The following SLC5A2 variants were observed in gnomAD, a reference collection of about 807,000 sequenced individuals.
SLC5A2 encodes the protein solute carrier family 5 member 2, also known as sodium/glucose cotransporter 2.
In SLC5A2, 67 loss-of-function variants were observed where a neutral mutation model predicts 69.0. That is an observed-to-expected ratio of 0.97 (90% CI 0.80 to 1.19). The LOEUF is 1.19. Ranked by LOEUF, SLC5A2 falls within the 50% of genes most tolerant of loss-of-function variation. The pLI, the probability that SLC5A2 is intolerant of heterozygous loss-of-function variation, is 0.00. For synonymous variants in SLC5A2, 455 were observed against 395.8 expected (o/e 1.15, Z -1.78); for missense variants, 1,001 against 921.5 (o/e 1.09, Z -1.12).
In SLC5A2 at chr16:31,488,768, G is replaced by A. The variant is rs1165004430; in HGVS notation, c.1276G>A (p.Gly426Arg). 6.2e-7 allele frequency: 1 copy of A among 1,601,944 alleles called. No individual in the cohort carries two copies. The highest frequency in any genetic ancestry group is 2.2e-5 in the East Asian group (1 of 44,624). Residue 426 changes from glycine to arginine, a missense_variant, in exon 10 of 14, where the codon GGA (glycine) becomes AGA (arginine). Physicochemically the swap from Gly to Arg is moderately radical, Grantham distance 125. Transcript: ENST00000330498. ...CGGCGACCGCGAGCTGCTGCTGGTG[G>A]GACGGTGCGGCCTGGGCTCCCCTCC... is the stretch of plus-strand genomic sequence containing the variant. ...RAGDRELLLV[G>R]RLWVVFIVVV...
chr16:31,489,260 C>T lies in SLC5A2; in HGVS notation c.1587C>T (p.Phe529=), dbSNP rs772310600. 1.2e-5 allele frequency: 20 copies of T among 1,610,786 alleles called. No homozygotes were observed. The African/African-American group carries it at 2.1e-4, about 17-fold the overall frequency. The change falls in exon 12 of 14, where the codon TTC becomes TTT. Residue 529 remains phenylalanine (F), a synonymous_variant. Coordinates refer to ENST00000330498, the MANE Select transcript of SLC5A2 (RefSeq NM_003041.4). ...TCTGCGGCGTGCACTACCTCTACTT[C>T]GCCATTGTGCTGTTCTTCTGCTCTG... ...AFLCGVHYLY[F]AIVLFFCSGL...
intron 5 of SLC5A2, 45 bp downstream of exon 5, chr16:31,486,320 T>C (rs1236036059): frequency 1.4e-6 from 2 of 1,449,098 alleles, no homozygotes; most frequent in Non-Finnish European, 1.9e-6. Flanking sequence ...GGGACACTGC[T>C]GCCAGCTGTG....
chr16:31,487,164 G>A (rs538485833), intron 5 of SLC5A2, among the ~76,000 whole-genome samples, 156 bp from the exon 6 acceptor site: 1 of 152,320 alleles, frequency 6.6e-6, no homozygotes, highest in East Asian at 1.9e-4. Flanking sequence ...CCTGCTTGTT[G>A]GTGCCTGCGT....
At chr16:31,489,903 C>T in intron 12 of SLC5A2, 1 of 668,408 alleles carries the variant, frequency 1.5e-6, no homozygotes, top group South Asian at 1.7e-5. Context: ...GCTTTAAACA[C>T]AAGCTCAGGG....
chr16:31,488,224 G>A (rs1164665585), intron 8 of SLC5A2, 51 bp downstream of exon 8: 2 of 1,613,520 alleles, frequency 1.2e-6, no homozygotes, highest in East Asian at 4.5e-5. Flanking sequence ...GGCGCCCGTC[G>A]CCCAGTTCCG....
rs747900188 is a variant in SLC5A2 at position 31,488,170 on chromosome 16, C to T, written c.1018C>T (p.Pro340Ser). The T allele has an allele frequency of 5.0e-6, 8 of 1,614,030 alleles. No homozygotes were observed. Among genetic ancestry groups the T allele is most frequent in the Non-Finnish European group, 6.8e-6 (8 of 1,179,966 alleles). Residue 340 changes from proline to serine, a missense_variant, in exon 8 of 14, where the codon CCA becomes TCA. Physicochemically the swap from Pro to Ser is moderately conservative, Grantham distance 74. Coordinates refer to ENST00000330498, the MANE Select transcript of SLC5A2 (RefSeq NM_003041.4). Reference sequence around the variant, plus strand: ...AGGCATGATCAGCCGCATTCTGTACCCAGGTAACATCCCTGCCCCGCCCCT... The same window carrying T: ...AGGCATGATCAGCCGCATTCTGTACTCAGGTAACATCCCTGCCCCGCCCCT... ...MPGMISRILY[P>S]DEVACVVPEV...
At position 31,488,383 on chromosome 16, in the gene SLC5A2, A is replaced by G. The variant is rs762220364; in HGVS notation, c.1022A>G (p.Asp341Gly). ...PGMISRILYP[D>G]EVACVVPEVC... ...CGGCGCGGTGGCCTCTCTCTGGCAG[A>G]CGAGGTGGCGTGCGTGGTGCCTGAG... The change falls in exon 9 of 14, where the codon GAC (aspartate) becomes GGC (glycine). Residue 341 changes from aspartate to glycine, a missense_variant and splice_region_variant. Physicochemically the swap from Asp to Gly is moderately conservative, Grantham distance 94 (BLOSUM62 -1). Transcript: ENST00000330498. 6.2e-7 allele frequency: 1 copy of G among 1,611,204 alleles called. No homozygotes were observed. The highest frequency in any genetic ancestry group is 8.5e-7 in the Non-Finnish European group (1 of 1,179,796).
At position 31,488,239 on chromosome 16, in the gene SLC5A2, C is replaced by T. The variant is rs964555723; in HGVS notation, c.1021+66C>T. On this transcript the variant is annotated intron_variant, in intron 8 of 13. Coordinates refer to ENST00000330498, the MANE Select transcript of SLC5A2 (RefSeq NM_003041.4). The stretch of plus-strand genomic sequence containing the variant: ...GGCGCCCGTCGCCCAGTTCCGTCAC[C>T]CTCCTAAGACTCGGCAGTTTGGGCC... The T allele has an allele frequency of 1.4e-5, 23 of 1,612,134 alleles. No individual in the cohort carries two copies. In the African/African-American group the frequency reaches 2.8e-4, roughly 20 times the overall value.
Position 31,490,542 on chromosome 16 carries a change from C to T in SLC5A2, c.*7C>T, listed in dbSNP as rs1343577216. Reference sequence around the variant, plus strand: ...CTGGGGCTTCTATGCCTAAGACCAACTGCGTTGGACACCATAAGCCACAGC... The same window carrying T: ...CTGGGGCTTCTATGCCTAAGACCAATTGCGTTGGACACCATAAGCCACAGC... On this transcript the variant is annotated 3_prime_UTR_variant, in exon 14 of 14. Transcript: ENST00000330498. 4 of 1,598,552 alleles carry T rather than the reference C, an allele frequency of 2.5e-6. No individual in the cohort carries two copies. The African/African-American group carries it at 5.4e-5, about 21-fold the overall frequency.
Position 31,486,205 on chromosome 16 carries a change from G to A in SLC5A2, c.504G>A (p.Gln168=). ...DMFSGAVFIQ[Q]ALGWNIYASV... ...TCTCCGGAGCTGTATTCATCCAGCA[G>A]GCTCTGGGCTGGAACATCTATGCCT... The change falls in exon 5 of 14, where the codon CAG becomes CAA. Residue 168 remains glutamine (Q), a synonymous_variant. Coordinates refer to ENST00000330498, the MANE Select transcript of SLC5A2 (RefSeq NM_003041.4). 1.2e-6 allele frequency: 2 copies of A among 1,614,008 alleles called. No individual in the cohort carries two copies. The highest frequency in any genetic ancestry group is 2.2e-5 in the East Asian group (1 of 44,862).
Position 31,487,447 on chromosome 16 carries a change from A to G in SLC5A2, c.655+47A>G, listed in dbSNP as rs760896871. 3.7e-6 allele frequency: 6 copies of G among 1,611,078 alleles called. No individual in the cohort carries two copies. The East Asian group carries it at 1.3e-4, about 36-fold the overall frequency. On this transcript the variant is annotated intron_variant, in intron 6 of 13. Transcript: ENST00000330498. ...AGGGGCGCGGAGGGCATGGTCGCGG[A>G]GCTCTCGGCCTGCGCGCGGGGCCGT...
In SLC5A2 at chr16:31,488,866, G is replaced by A. The variant is rs1206326253; in HGVS notation, c.1281-14G>A. 2.5e-6 allele frequency: 4 copies of A among 1,604,108 alleles called. No homozygotes were observed. Among genetic ancestry groups the A allele is most frequent in the Non-Finnish European group, 3.4e-6 (4 of 1,179,792 alleles). ...GCCCAGGGTCCGGGTTCGATCCGACGGCCTCCGCCGCAGGCTCTGGGTGGT... is the reference window on the plus strand; with the variant it reads ...GCCCAGGGTCCGGGTTCGATCCGACAGCCTCCGCCGCAGGCTCTGGGTGGT... On this transcript the variant is annotated splice_polypyrimidine_tract_variant and intron_variant, in intron 10 of 13. Transcript: ENST00000330498.
rs761304782 is a variant in SLC5A2 at position 31,488,948 on chromosome 16, G to T, written c.1349G>T (p.Gly450Val). Residue 450 changes from glycine (G) to valine (V), a missense_variant, in exon 11 of 14, where the codon GGG becomes GTG. Transcript: ENST00000330498. ...WLPVVQAAQG[G>V]QLFDYIQAVS... ...CCCGTGGTGCAGGCGGCACAGGGCG[G>T]GCAGCTCTTCGATTACATCCAGGCA... 1 of 1,603,748 alleles carries T rather than the reference G, an allele frequency of 6.2e-7. No individual in the cohort carries two copies. Among genetic ancestry groups the T allele is most frequent in the South Asian group, 1.1e-5 (1 of 91,082 alleles).
intron 12 of SLC5A2, 179 bp downstream of exon 12, chr16:31,489,517 G>T: frequency 1.5e-6 from 1 of 653,494 alleles, no homozygotes; most frequent in South Asian, 1.8e-5. Flanking sequence ...TATTTGAACC[G>T]GCCTGGGGGA....
intron 6 of SLC5A2, 31 bp from the exon 7 acceptor site, chr16:31,487,499 A>G: frequency 6.2e-7 from 1 of 1,612,370 alleles, no homozygotes; most frequent in Non-Finnish European, 8.5e-7. Flanking sequence ...GAGGGTCCTA[A>G]GGAGGGTCCC....
rs758065127 is a variant in SLC5A2 at position 31,488,506 on chromosome 16, G to A, written c.1129+16G>A. ...ATGCCCAACGGTAAGGGCAGCCCCG[G>A]GCCACAGGCGCAAGCTCGCTGCGGA... On this transcript the variant is annotated intron_variant, in intron 9 of 13. Transcript: ENST00000330498. The A allele has an allele frequency of 6.2e-7, 1 of 1,604,038 alleles. No homozygotes were observed.
chr16:31,490,725 C>G lies in SLC5A2; in HGVS notation c.*190C>G. 7.7e-7 allele frequency: 1 copy of G among 1,303,314 alleles called. No homozygotes were observed. Among genetic ancestry groups the G allele is most frequent in the Non-Finnish European group, 1.1e-6 (1 of 908,780 alleles). The allele number at this position is 1,303,314 out of a possible 1,614,324, so 80.7% of individuals were successfully genotyped here. The stretch of plus-strand genomic sequence containing the variant: ...ACTTCCCATGAGGGCCTGGCCCACC[C>G]GCTGCAGTTGCCCTAAGGAAAAATA... On this transcript the variant is annotated 3_prime_UTR_variant, in exon 14 of 14. Transcript: ENST00000330498.
intron 4 of SLC5A2, 58 bp downstream of exon 4, chr16:31,485,951 T>C (rs2082492204): frequency 1.3e-6 from 2 of 1,594,634 alleles, no homozygotes; most frequent in Non-Finnish European, 1.7e-6. Context: ...AAGTGGGGTC[T>C]CTAGAGAACC....
At chr16:31,484,788 GC>G (rs1334158608) in intron 2 of SLC5A2, 30 bp from the exon 3 acceptor site, 2 of 1,611,358 alleles carry the variant, frequency 1.2e-6, no homozygotes, top group Non-Finnish European at 1.7e-6. Context: ...TGGAGAAGCA[GC>G]CCTGCTCACT....
Sources: gnomAD v4.1 joint callset for allele counts (sites outside exome capture counted in the v4.1 genomes callset) on GRCh38, gnomAD v4.1.1 for gene constraint, MANE v1.5 for transcripts, NCBI Gene and HGNC (gene_info 2026-07-23, HGNC 2026-07-21) for gene names.